The following C19orf44 variants were observed in gnomAD, a reference collection of about 807,000 sequenced individuals.
C19orf44 encodes uncharacterized protein C19orf44.
A neutral mutation model predicts 50.7 loss-of-function variants in C19orf44; 43 were observed. The observed-to-expected ratio is 0.85, with a 90% CI of 0.66 to 1.09. The LOEUF is 1.09. C19orf44 is among the 50% of genes least tolerant of loss of function. The pLI, the probability that C19orf44 is intolerant of heterozygous loss-of-function variation, is 0.00. For synonymous variants in C19orf44, 298 were observed against 334.7 expected, an observed-to-expected ratio of 0.89 and a Z score of 1.20; for missense variants, 722 against 836.2, an observed-to-expected ratio of 0.86 and a Z score of 1.68.
At chr19:16,497,148 A>G (rs376832749) in intron 1 of C19orf44, among the ~76,000 whole-genome samples, 35 of 151,902 alleles carry the variant, frequency 2.3e-4, no homozygotes, top group African/African-American at 8.5e-4. Context: ...GGGTTTCACC[A>G]TGTTTGCCAC....
In C19orf44 at chr19:16,519,480, T is replaced by G; in HGVS notation, c.*41-614T>G. ...GTAGAGAGAACCCGCAGGCCGGCCC[T>G]GTCTAGAGGGTCTGGGTGGAGTCAG... On this transcript the variant is annotated intron_variant, in intron 8 of 8. Coordinates refer to ENST00000221671, the MANE Select transcript of C19orf44 (RefSeq NM_032207.4). The surrounding 1 kb of genome is among the most constrained non-coding windows in gnomAD (Gnocchi z 6.0). 8.0e-7 allele frequency: 1 copy of G among 1,251,884 alleles called. No homozygotes were observed. Among genetic ancestry groups the G allele is most frequent in the Non-Finnish European group, 1.1e-6 (1 of 879,166 alleles). The allele number at this position is 1,251,884 out of a possible 1,614,324, so 77.5% of individuals were successfully genotyped here. A position where few individuals can be genotyped will look rare whatever the true frequency, so the allele number is the denominator to read the frequency against.
At position 16,520,218 on chromosome 19, in the gene C19orf44, G is replaced by C; in HGVS notation, c.*165G>C. The C allele has an allele frequency of 6.2e-7, 1 of 1,613,388 alleles. No individual in the cohort carries two copies. Among genetic ancestry groups the C allele is most frequent in the Non-Finnish European group, 8.5e-7 (1 of 1,180,018 alleles). On this transcript the variant is annotated 3_prime_UTR_variant, in exon 9 of 9. Coordinates refer to ENST00000221671, the MANE Select transcript of C19orf44 (RefSeq NM_032207.4). The surrounding 1 kb of genome is among the most constrained non-coding windows in gnomAD (Gnocchi z 4.0). ...GGAGTACGACTTGGACCGGGACCGC[G>C]ACTGGGACCGGGAGCGGCTTCTGGA...
At chr19:16,516,613 G>A (rs1210098735) in intron 7 of C19orf44, among the ~76,000 whole-genome samples, 2 of 152,326 alleles carry the variant, frequency 1.3e-5, no homozygotes, top group East Asian at 1.9e-4. Flanking sequence ...AATGCTGAGC[G>A]GTTGGGGATC....
chr19:16,500,131 G>A (rs1165528960), intron 1 of C19orf44, among the ~76,000 whole-genome samples: 1 of 152,076 alleles, frequency 6.6e-6, no homozygotes, highest in Non-Finnish European at 1.5e-5. Context: ...GCTTTGCCAT[G>A]TTGGCCAGGC....
chr19:16,498,705 C>T (rs1229988929), intron 1 of C19orf44, among the ~76,000 whole-genome samples: 1 of 151,432 alleles, frequency 6.6e-6, no homozygotes, highest in Non-Finnish European at 1.5e-5. Flanking sequence ...GAGTCTCTCT[C>T]TTTTGCCCAG....
At chr19:16,515,220 G>C (rs1448587651) in intron 7 of C19orf44, among the ~76,000 whole-genome samples, 3 of 152,152 alleles carry the variant, frequency 2.0e-5, no homozygotes, top group African/African-American at 7.2e-5. Context: ...AAATTAGCCA[G>C]GATGGTGACG....
Position 16,520,580 on chromosome 19 carries a change from C to T in C19orf44, c.*527C>T, listed in dbSNP as rs1032418591. On this transcript the variant is annotated 3_prime_UTR_variant, in exon 9 of 9. Transcript: ENST00000221671. This position sits in a 1 kb window ranked among gnomAD's most constrained non-coding sequence, Gnocchi z 4.0. ...CCCAGCCCACCCTGGCCCTCAGGTT[C>T]CTAGACCACCCCAGATGCAGGGGCT... The T allele has an allele frequency of 6.6e-7, 1 of 1,516,966 alleles. No homozygotes were observed. Among genetic ancestry groups the T allele is most frequent in the Non-Finnish European group, 9.0e-7 (1 of 1,117,048 alleles). The allele number at this position is 1,516,966 out of a possible 1,614,324, so 94.0% of individuals were successfully genotyped here. A position where few individuals can be genotyped will look rare whatever the true frequency, so the allele number is the denominator to read the frequency against.
In C19orf44 at chr19:16,520,551, T is replaced by C. The variant is rs907768760; in HGVS notation, c.*498T>C. ...TGATCAGGTGCCCCAGTGGATGGGC[T>C]GCACCCAGCCCACCCTGGCCCTCAG... On this transcript the variant is annotated 3_prime_UTR_variant, in exon 9 of 9. Transcript: ENST00000221671. The surrounding 1 kb of genome is among the most constrained non-coding windows in gnomAD (Gnocchi z 4.0). 2 of 1,585,528 alleles carry C rather than the reference T, an allele frequency of 1.3e-6. No homozygotes were observed. Among genetic ancestry groups the C allele is most frequent in the African/African-American group, 2.7e-5 (2 of 74,350 alleles).
At chr19:16,508,961 C>G (rs1012506519) in intron 4 of C19orf44, among the ~76,000 whole-genome samples, 7 of 151,988 alleles carry the variant, frequency 4.6e-5, no homozygotes, top group Non-Finnish European at 1.5e-5. Flanking sequence ...GCTGGGATTA[C>G]AGATACGTGC....
At chr19:16,500,560 G>T (rs1267995242) in intron 1 of C19orf44, among the ~76,000 whole-genome samples, 1 of 151,610 alleles carries the variant, frequency 6.6e-6, no homozygotes, top group African/African-American at 2.4e-5. Flanking sequence ...TGCCAGGATG[G>T]TCTCAATCTC....
At chr19:16,508,925 A>T (rs1169173399) in intron 4 of C19orf44, among the ~76,000 whole-genome samples, 3 of 151,730 alleles carry the variant, frequency 2.0e-5, no homozygotes, top group African/African-American at 7.3e-5. Flanking sequence ...GGTTCAAGTG[A>T]TTCTCCTGCC....
chr19:16,520,957 A>G lies in C19orf44; in HGVS notation c.*904A>G. 2 of 1,541,004 alleles carry G rather than the reference A, an allele frequency of 1.3e-6. No individual in the cohort carries two copies. The highest frequency in any genetic ancestry group is 1.8e-6 in the Non-Finnish European group (2 of 1,115,062). ...GTGTGTGACCACGTGACACCCACCCACAAGGAAGTCGTGAAAAAGTCATCA... is the reference window on the plus strand; with the variant it reads ...GTGTGTGACCACGTGACACCCACCCGCAAGGAAGTCGTGAAAAAGTCATCA... On this transcript the variant is annotated 3_prime_UTR_variant, in exon 9 of 9. Transcript: ENST00000221671. The surrounding 1 kb of genome is among the most constrained non-coding windows in gnomAD (Gnocchi z 4.0).
chr19:16,519,267 G>A lies in C19orf44; in HGVS notation c.*41-827G>A, dbSNP rs370455075. On this transcript the variant is annotated intron_variant, in intron 8 of 8. Transcript: ENST00000221671. The surrounding 1 kb of genome is among the most constrained non-coding windows in gnomAD (Gnocchi z 6.0). ...GAGCCACGCCCACGCCTTTATACTG[G>A]TCCCACTTATCCCGGACGTCCCCGC... 2.6e-5 allele frequency: 42 copies of A among 1,613,926 alleles called. No homozygotes were observed. The highest frequency in any genetic ancestry group is 3.5e-5 in the Non-Finnish European group (41 of 1,180,036).
intron 1 of C19orf44, among the ~76,000 whole-genome samples, chr19:16,499,955 A>AT (rs1179735975): frequency 6.6e-6 from 1 of 151,404 alleles, no homozygotes; most frequent in African/African-American, 2.4e-5. Context: ...GGCCCGGCTA[A>AT]TTTTTGTATT....
intron 5 of C19orf44, among the ~76,000 whole-genome samples, chr19:16,510,322 A>T (rs1599735657): frequency 6.6e-6 from 1 of 151,990 alleles, no homozygotes; most frequent in South Asian, 2.1e-4. Flanking sequence ...CTTGAGAAGA[A>T]CCCGGGAGGT....
chr19:16,519,078 T>G lies in C19orf44; in HGVS notation c.*41-1016T>G. 3.1e-6 allele frequency: 4 copies of G among 1,295,190 alleles called. No homozygotes were observed. Among genetic ancestry groups the G allele is most frequent in the Non-Finnish European group, 4.3e-6 (4 of 927,140 alleles). 80.2% of individuals were successfully genotyped at this position (1,295,190 alleles called of 1,614,324 possible). Reference sequence around the variant, plus strand: ...GACGGTGTAAGAACTGAGCTGTCACTGCAATCTTCCTCTGCCAGTCAGCCA... The same window carrying G: ...GACGGTGTAAGAACTGAGCTGTCACGGCAATCTTCCTCTGCCAGTCAGCCA... On this transcript the variant is annotated intron_variant, in intron 8 of 8. Coordinates refer to ENST00000221671, the MANE Select transcript of C19orf44 (RefSeq NM_032207.4). This position sits in a 1 kb window ranked among gnomAD's most constrained non-coding sequence, Gnocchi z 6.0.
intron 5 of C19orf44, among the ~76,000 whole-genome samples, chr19:16,512,531 A>C (rs1280738704): frequency 6.6e-6 from 1 of 151,992 alleles, no homozygotes; most frequent in African/African-American, 2.4e-5. Flanking sequence ...AACCTAGCAG[A>C]AAAATGGAGG....
intron 3 of C19orf44, among the ~76,000 whole-genome samples, chr19:16,503,948 G>A (rs1223253626): frequency 2.0e-5 from 3 of 152,072 alleles, no homozygotes; most frequent in African/African-American, 7.2e-5. Context: ...CAATCCCAGT[G>A]CTTTGGAAAG....
chr19:16,502,951 C>T, intron 2 of C19orf44, 114 bp from the exon 3 acceptor site: 1 of 946,110 alleles, frequency 1.1e-6, no homozygotes, highest in Non-Finnish European at 1.5e-6. Context: ...TGAGCCACTG[C>T]CCTCCAGCCT....
Sources: gnomAD v4.1 joint callset for allele counts (sites outside exome capture counted in the v4.1 genomes callset) on GRCh38, gnomAD v4.1.1 for gene constraint, Gnocchi (gnomAD v3.1) non-coding constraint, MANE v1.5 for transcripts, NCBI Gene and HGNC (gene_info 2026-07-23, HGNC 2026-07-21) for gene names.